The following LIMCH1 variants were observed in gnomAD, a reference collection of about 807,000 sequenced individuals.
The protein encoded by LIMCH1 is LIM and calponin homology domains 1, also known as LIM and calponin homology domains-containing protein 1.
Under a neutral mutation model 176.5 loss-of-function variants are expected in LIMCH1, and 113 were observed. That is an observed-to-expected ratio of 0.64 (90% CI 0.55 to 0.75). LIMCH1 has a LOEUF of 0.75. Ranked by LOEUF, LIMCH1 falls within the 30% of genes least tolerant of loss-of-function variation. The pLI is 0.00. For missense variants in LIMCH1, 1,674 were observed against 1,814.9 expected (o/e 0.92, Z 1.41); for synonymous variants, 619 against 645.9 (o/e 0.96, Z 0.63).
In LIMCH1 at chr4:41,463,690, C is replaced by T. The variant is rs527594384; in HGVS notation, c.97-30846C>T. ...TCCTCAGCTCAGGCGATGCTTCCAC[C>T]TCAGCACCCCCCGAGCAGCTGGCAC... On this transcript the variant is annotated intron_variant, in intron 1 of 26. Coordinates refer to the LIMCH1 transcript ENST00000313860. Among the ~76,000 whole-genome samples, 302 of 152,028 alleles carry T rather than the reference C, an allele frequency of 2.0e-3. 2 individuals are homozygous for T. The highest frequency in any genetic ancestry group is 3.5e-3 in the Non-Finnish European group (235 of 67,986).
chr4:41,528,807 A>C (rs7674437), intron 3 of LIMCH1, among the ~76,000 whole-genome samples: 59,224 of 152,098 alleles, frequency 0.39, 13,588 homozygotes, highest in African/African-American at 0.63. Flanking sequence ...ACATAGCAAT[A>C]TCAAATTATA....
chr4:41,450,798 C>CAAA (rs760652470), intron 1 of LIMCH1, among the ~76,000 whole-genome samples: 54 of 50,576 alleles, frequency 1.1e-3, no homozygotes, highest in African/African-American at 3.0e-3. Flanking sequence ...CTCTCTCTCT[C>CAAA]AAAAAAAAAA....
intron 1 of LIMCH1, among the ~76,000 whole-genome samples, chr4:41,456,178 G>A (rs954029529): frequency 6.6e-6 from 1 of 152,144 alleles, no homozygotes; most frequent in African/African-American, 2.4e-5. Context: ...CTCCATAGCT[G>A]CATGAGCTTT....
intron 22 of LIMCH1, among the ~76,000 whole-genome samples, chr4:41,675,667 C>T (rs1021715760): frequency 1.3e-5 from 2 of 152,066 alleles, no homozygotes; most frequent in Admixed American, 6.6e-5. Flanking sequence ...CCCCACCCCC[C>T]ACCTGTACCC....
At chr4:41,515,896 C>T (rs576464664) in intron 2 of LIMCH1, among the ~76,000 whole-genome samples, 8 of 152,328 alleles carry the variant, frequency 5.3e-5, no homozygotes, top group Non-Finnish European at 1.0e-4. Flanking sequence ...AGCAATTTCA[C>T]CCTCTGAGTT....
intron 28 of LIMCH1, among the ~76,000 whole-genome samples, chr4:41,686,156 T>C (rs1720578859): frequency 6.6e-6 from 1 of 152,200 alleles, no homozygotes; most frequent in Non-Finnish European, 1.5e-5. Context: ...GTGGACAAAG[T>C]TTCGTTCAAG....
intron 2 of LIMCH1, among the ~76,000 whole-genome samples, chr4:41,499,276 C>T (rs2072781984): frequency 6.6e-6 from 1 of 152,158 alleles, no homozygotes; most frequent in Non-Finnish European, 1.5e-5. Flanking sequence ...TAATTATTAT[C>T]ATTTTGCCAT....
chr4:41,488,552 G>A (rs1351843312), intron 1 of LIMCH1, among the ~76,000 whole-genome samples: 5 of 152,042 alleles, frequency 3.3e-5, no homozygotes, highest in Non-Finnish European at 5.9e-5. Context: ...TAGTGGGAGT[G>A]GTTAATGAGC....
chr4:41,691,028 T>G (rs1029422652), intron 30 of LIMCH1, among the ~76,000 whole-genome samples: 5 of 152,298 alleles, frequency 3.3e-5, no homozygotes, highest in South Asian at 4.2e-4. Flanking sequence ...AGAAACTTTA[T>G]GAGGACTAGA....
intron 1 of LIMCH1, among the ~76,000 whole-genome samples, chr4:41,435,135 A>G (rs1483745858): frequency 6.6e-6 from 1 of 152,184 alleles, no homozygotes; most frequent in Non-Finnish European, 1.5e-5. Flanking sequence ...TCCTCATAAG[A>G]GGGGGACTGG....
chr4:41,372,146 C>T (rs997075268), intron 1 of LIMCH1, among the ~76,000 whole-genome samples: 2 of 152,200 alleles, frequency 1.3e-5, no homozygotes, highest in Non-Finnish European at 2.9e-5. Context: ...CCTCTCATCT[C>T]CATAATGCAG....
chr4:41,511,078 C>T (rs1408652069), intron 2 of LIMCH1, among the ~76,000 whole-genome samples: 1 of 152,176 alleles, frequency 6.6e-6, no homozygotes, highest in East Asian at 1.9e-4. Context: ...TTCATCGTGA[C>T]TGGTGGCCTC....
At chr4:41,506,103 G>T (rs2074131395) in intron 2 of LIMCH1, among the ~76,000 whole-genome samples, 1 of 152,122 alleles carries the variant, frequency 6.6e-6, no homozygotes, top group African/African-American at 2.4e-5. Context: ...TAAAAGTTTT[G>T]TTTTGCAAAC....
intron 6 of LIMCH1, 126 bp downstream of exon 6, chr4:41,619,566 T>C: frequency 8.0e-7 from 1 of 1,245,538 alleles, no homozygotes; most frequent in South Asian, 1.4e-5. Flanking sequence ...CAGATGGAGG[T>C]GGGTGGGACA....
chr4:41,584,871 C>T (rs780538268), intron 1 of LIMCH1, among the ~76,000 whole-genome samples: 1 of 152,186 alleles, frequency 6.6e-6, no homozygotes, highest in African/African-American at 2.4e-5. Flanking sequence ...GACTTTATTT[C>T]TCACAGTTCT....
rs79329383 is a variant in LIMCH1, at chr4:41,629,827, T to G, written c.1271+93T>G. On this transcript the variant is annotated intron_variant, in intron 9 of 31. Coordinates refer to ENST00000503057, the MANE Select transcript of LIMCH1 (RefSeq NM_001330672.2). ...CTTATCTTTGTGTCTTTTTTTTTTT[T>G]GTCAGGGTCTTGCTCTGTTGCCCAG... 1.2e-5 allele frequency: 16 copies of G among 1,331,188 alleles called. No homozygotes were observed. In the Middle Eastern group the frequency reaches 7.1e-4, roughly 59 times the overall value. 82.5% of individuals were successfully genotyped at this position (1,331,188 alleles called of 1,614,324 possible).
At chr4:41,427,841 A>G (rs1256056207) in intron 1 of LIMCH1, among the ~76,000 whole-genome samples, 1 of 152,074 alleles carries the variant, frequency 6.6e-6, no homozygotes, top group Non-Finnish European at 1.5e-5. Flanking sequence ...TTCCTGACGG[A>G]TTCAGCTAAA....
At chr4:41,460,455 C>CATATATATAT (rs1302547339) in intron 1 of LIMCH1, among the ~76,000 whole-genome samples, 1,324 of 92,136 alleles carry the variant, frequency 0.014, 65 homozygotes, top group African/African-American at 0.057. Flanking sequence ...CTATAGTAAT[C>CATATATATAT]ATCTATATAT....
chr4:41,579,168 A>G (rs1419090452), intron 1 of LIMCH1, among the ~76,000 whole-genome samples: 1 of 152,004 alleles, frequency 6.6e-6, no homozygotes, highest in Non-Finnish European at 1.5e-5. Context: ...GAGCTGTTAT[A>G]GAAATGTCAA....
Sources: allele counts gnomAD v4.1 joint callset (sites outside exome capture counted in the v4.1 genomes callset), GRCh38; gene constraint gnomAD v4.1.1; transcripts MANE v1.5; gene names NCBI Gene and HGNC (gene_info 2026-07-23, HGNC 2026-07-21).